THSD7B: variants seen among roughly 807,000 people sequenced by gnomAD.
THSD7B encodes thrombospondin type-1 domain-containing protein 7B.
Under a neutral mutation model 213.6 loss-of-function variants are expected in THSD7B, and 138 were observed. The observed-to-expected ratio is 0.65, with a 90% CI of 0.56 to 0.74. THSD7B has a LOEUF of 0.74. THSD7B is among the 30% of genes least tolerant of loss of function. THSD7B has a pLI of 0.00. For synonymous variants in THSD7B, 742 were observed against 687.0 expected, an observed-to-expected ratio of 1.08 and a Z score of -1.25; for missense variants, 1,931 against 1,991.5, an observed-to-expected ratio of 0.97 and a Z score of 0.58.
chr2:137,606,222 G>A (rs1473319517), intron 17 of THSD7B, among the ~76,000 whole-genome samples: 6 of 152,048 alleles, frequency 3.9e-5, no homozygotes, highest in African/African-American at 1.4e-4. Context: ...GAGTGATGAG[G>A]AAAGAGGAAA....
At chr2:137,028,013 CTTG>C (rs1277731222) in intron 2 of THSD7B, among the ~76,000 whole-genome samples, 5 of 152,066 alleles carry the variant, frequency 3.3e-5, no homozygotes, top group African/African-American at 9.7e-5. Context: ...GTTAGCTAAT[CTTG>C]TTATTATTAT....
chr2:137,372,168 C>T (rs919980413), intron 12 of THSD7B, among the ~76,000 whole-genome samples: 2 of 151,944 alleles, frequency 1.3e-5, no homozygotes, highest in Admixed American at 1.3e-4. Flanking sequence ...AAGAATTTTT[C>T]AGTGGTGGCC....
intron 14 of THSD7B, among the ~76,000 whole-genome samples, chr2:137,448,661 C>T (rs767462391): frequency 6.1e-4 from 93 of 152,072 alleles, no homozygotes; most frequent in Non-Finnish European, 7.8e-4. Context: ...TAGCCGGGAG[C>T]GGTGGCGGGC....
At chr2:137,135,220 A>T (rs1171606781) in intron 5 of THSD7B, among the ~76,000 whole-genome samples, 1 of 152,056 alleles carries the variant, frequency 6.6e-6, no homozygotes, top group Non-Finnish European at 1.5e-5. Context: ...TCTTTTACTA[A>T]TTTTTCTTAA....
chr2:136,799,024 C>T (rs547673158), intron 1 of THSD7B, among the ~76,000 whole-genome samples: 1 of 152,142 alleles, frequency 6.6e-6, no homozygotes, highest in African/African-American at 2.4e-5. Context: ...TTTCTAGGGT[C>T]ATCTAAAGTC....
intron 3 of THSD7B, among the ~76,000 whole-genome samples, chr2:137,087,084 C>A: frequency 6.6e-6 from 1 of 152,086 alleles, no homozygotes; most frequent in Non-Finnish European, 1.5e-5. Flanking sequence ...TGAATTCTAT[C>A]TGCATGGTCA....
At chr2:137,271,374 CAT>C (rs199519161) in intron 10 of THSD7B, among the ~76,000 whole-genome samples, 8 of 137,496 alleles carry the variant, frequency 5.8e-5, no homozygotes, top group East Asian at 2.6e-4. Flanking sequence ...TGGCTTCATT[CAT>C]ATATATATAT....
chr2:137,653,283 A>G (rs1483283902), intron 21 of THSD7B, among the ~76,000 whole-genome samples: 1 of 152,090 alleles, frequency 6.6e-6, no homozygotes, highest in East Asian at 1.9e-4. Flanking sequence ...CCATTGAAAG[A>G]TCTGTTGCCA....
intron 10 of THSD7B, among the ~76,000 whole-genome samples, chr2:137,271,861 G>A (rs1315435004): frequency 2.0e-5 from 3 of 152,084 alleles, no homozygotes; most frequent in Admixed American, 1.3e-4. Flanking sequence ...TCTAAAGATT[G>A]TGAAATGAGT....
intron 14 of THSD7B, among the ~76,000 whole-genome samples, chr2:137,417,836 C>A (rs187085174): frequency 6.6e-6 from 1 of 152,168 alleles, no homozygotes; most frequent in Non-Finnish European, 1.5e-5. Context: ...AAGTCCAGTT[C>A]ATGGAAGGGA....
At chr2:137,176,190 A>G (rs1425280728) in intron 7 of THSD7B, among the ~76,000 whole-genome samples, 1 of 152,148 alleles carries the variant, frequency 6.6e-6, no homozygotes, top group Non-Finnish European at 1.5e-5. Flanking sequence ...CTATTTAAAG[A>G]GATGCTATAA....
At position 137,335,517 on chromosome 2, in the gene THSD7B, A is replaced by C. The variant is rs1402773320; in HGVS notation, c.2500+59491A>C. 2.6e-5 allele frequency among the ~76,000 whole-genome samples: 4 copies of C among 152,160 alleles called. No individual in the cohort carries two copies. The South Asian group carries it at 8.3e-4, about 31-fold the overall frequency. On this transcript the variant is annotated intron_variant, in intron 12 of 27. Coordinates refer to ENST00000409968, the MANE Select transcript of THSD7B (RefSeq NM_001316349.2). ...GTAGTTTTTTTCTTATCCACATTGA[A>C]TTTTCCTCCCAAAATTAATACCCTA... is the stretch of plus-strand genomic sequence containing the variant.
intron 12 of THSD7B, among the ~76,000 whole-genome samples, chr2:137,366,349 C>T (rs995790659): frequency 1.3e-5 from 2 of 151,676 alleles, no homozygotes; most frequent in African/African-American, 4.8e-5. Flanking sequence ...ATGTAACAAA[C>T]CTGCAAGTTG....
intron 12 of THSD7B, among the ~76,000 whole-genome samples, chr2:137,398,831 G>A (rs1686274383): frequency 6.6e-6 from 1 of 152,212 alleles, no homozygotes; most frequent in South Asian, 2.1e-4. Context: ...GTGGGCGTAG[G>A]ACCCTCCAAG....
chr2:137,028,789 T>TA (rs1289889545), intron 2 of THSD7B, among the ~76,000 whole-genome samples: 3 of 152,178 alleles, frequency 2.0e-5, no homozygotes, highest in African/African-American at 7.2e-5. Context: ...AAGCTCAACC[T>TA]AAAAAATAGG....
intron 21 of THSD7B, among the ~76,000 whole-genome samples, chr2:137,647,620 G>A (rs1683061119): frequency 6.6e-6 from 1 of 152,112 alleles, no homozygotes; most frequent in South Asian, 2.1e-4. Flanking sequence ...CAACTTGGAA[G>A]TACAGAGGAG....
intron 15 of THSD7B, among the ~76,000 whole-genome samples, chr2:137,541,562 A>G (rs1164584154): frequency 4.6e-5 from 7 of 151,708 alleles, no homozygotes. Context: ...AACACTCAAT[A>G]TCTTCCCTCT....
At chr2:137,673,679 T>C (rs1037827783) in intron 27 of THSD7B, among the ~76,000 whole-genome samples, 3 of 152,182 alleles carry the variant, frequency 2.0e-5, no homozygotes, top group Non-Finnish European at 4.4e-5. Context: ...CTGAGTGCAG[T>C]CTTGCCCCTC....
intron 5 of THSD7B, among the ~76,000 whole-genome samples, chr2:137,121,095 C>T (rs10490739): frequency 0.15 from 23,481 of 152,118 alleles, 1,993 homozygotes; most frequent in Middle Eastern, 0.19. Flanking sequence ...ACAAACTTAT[C>T]TTAGTGTGAT....
Sources: allele counts gnomAD v4.1 joint callset (sites outside exome capture counted in the v4.1 genomes callset), GRCh38; gene constraint gnomAD v4.1.1; transcripts MANE v1.5; gene names NCBI Gene and HGNC (gene_info 2026-07-23, HGNC 2026-07-21).